The following WDPCP variants were observed in gnomAD, a reference collection of about 807,000 sequenced individuals.
WDPCP encodes the protein WD repeat-containing and planar cell polarity effector protein fritz homolog.
In WDPCP, 71 loss-of-function variants were observed where a neutral mutation model predicts 93.1. That is an observed-to-expected ratio of 0.76 (90% CI 0.63 to 0.93). The LOEUF is 0.93. WDPCP is among the 40% of genes least tolerant of loss of function. The pLI is 0.00. For synonymous variants in WDPCP, 315 were observed against 315.0 expected (o/e 1.00, Z 0.00); for missense variants, 844 against 887.4 (o/e 0.95, Z 0.62).
intron 10 of WDPCP, among the ~76,000 whole-genome samples, chr2:63,402,030 CA>C (rs1694188038): frequency 6.6e-6 from 1 of 151,980 alleles, no homozygotes; most frequent in African/African-American, 2.4e-5. Context: ...ATGTTTATTA[CA>C]CAACTATTTA....
intron 13 of WDPCP, among the ~76,000 whole-genome samples, chr2:63,266,678 C>T (rs1345615207): frequency 3.9e-5 from 6 of 152,014 alleles, no homozygotes; most frequent in East Asian, 1.9e-4. Context: ...CGGTGGCAGG[C>T]GCCTGTAATC....
At chr2:63,528,508 T>C (rs906143579) in intron 1 of WDPCP, among the ~76,000 whole-genome samples, 6 of 152,222 alleles carry the variant, frequency 3.9e-5, no homozygotes, top group African/African-American at 1.4e-4. Context: ...ATCAGGTTTG[T>C]CAAAGATCAG....
chr2:63,637,378 C>T lies in WDPCP; in HGVS notation n.488+13281G>A, dbSNP rs1339985849. On this transcript the variant is annotated intron_variant and non_coding_transcript_variant, in intron 3 of 4. Transcript: ENST00000467687. ...CAAAAAAAAAGAAAAAACAAAAAAA[C>T]AAAAACAAAGAAACAAACAAAAAAA... 4.6e-5 allele frequency among the ~76,000 whole-genome samples: 3 copies of T among 65,686 alleles called. No individual in the cohort carries two copies. In the Admixed American group the frequency reaches 4.7e-4, roughly 10 times the overall value. The allele number at this position is 65,686 out of a possible 152,430, so 43.1% of individuals were successfully genotyped here.
chr2:63,606,033 G>T (rs772860556), intron 3 of WDPCP: 6 of 1,611,552 alleles, frequency 3.7e-6, no homozygotes, highest in Non-Finnish European at 4.2e-6. Context: ...ATCAAGGTAA[G>T]GTATTTTGGA....
upstream of WDPCP, chr2:63,588,951 C>A (rs1246191245): frequency 1.3e-6 from 2 of 1,582,984 alleles, no homozygotes; most frequent in Non-Finnish European, 1.7e-6. Context: ...GCTAACACCG[C>A]TCGCCCTCTC....
intron 2 of WDPCP, among the ~76,000 whole-genome samples, chr2:63,793,532 G>A (rs765870659): frequency 1.4e-4 from 21 of 152,180 alleles, no homozygotes; most frequent in Non-Finnish European, 2.5e-4. Context: ...GACTGCTTGA[G>A]CCTAGGAGTT....
At chr2:63,462,082 A>G (rs1699052947) in intron 6 of WDPCP, among the ~76,000 whole-genome samples, 1 of 152,240 alleles carries the variant, frequency 6.6e-6, no homozygotes, top group Non-Finnish European at 1.5e-5. Flanking sequence ...TCACAATAGC[A>G]AAGACTTGGA....
At chr2:63,273,543 A>C (rs1682824344) in intron 13 of WDPCP, among the ~76,000 whole-genome samples, 2 of 152,174 alleles carry the variant, frequency 1.3e-5, no homozygotes, top group Admixed American at 1.3e-4. Flanking sequence ...GCTTGAATGT[A>C]TTAAAAAGAC....
At chr2:63,352,742 C>T (rs1478516650) in intron 12 of WDPCP, among the ~76,000 whole-genome samples, 1 of 152,160 alleles carries the variant, frequency 6.6e-6, no homozygotes, top group Non-Finnish European at 1.5e-5. Flanking sequence ...GACACCTTCC[C>T]TGGCCTCCAT....
chr2:63,227,577 C>T (rs1678395766), intron 14 of WDPCP, among the ~76,000 whole-genome samples: 1 of 151,952 alleles, frequency 6.6e-6, no homozygotes, highest in Admixed American at 6.6e-5. Flanking sequence ...TGGCAGTGGA[C>T]TTAAAAAGCA....
chr2:63,709,254 G>A (rs560955798), intron 2 of WDPCP, among the ~76,000 whole-genome samples: 2 of 151,660 alleles, frequency 1.3e-5, no homozygotes, highest in South Asian at 4.2e-4. Flanking sequence ...GGTGGAGGTT[G>A]CAGTGAGCCA....
At chr2:63,809,438 A>C (rs886969637) in intron 2 of WDPCP, among the ~76,000 whole-genome samples, 2 of 152,254 alleles carry the variant, frequency 1.3e-5, no homozygotes, top group Admixed American at 1.3e-4. Context: ...AGAACGGGCC[A>C]TGATGACAAT....
intron 1 of WDPCP, among the ~76,000 whole-genome samples, chr2:63,548,637 T>C (rs1221760360): frequency 6.6e-6 from 1 of 152,094 alleles, no homozygotes; most frequent in East Asian, 1.9e-4. Context: ...GTTAAGGTAC[T>C]TTGATCATAA....
At chr2:63,705,742 G>A (rs1669140568) in intron 2 of WDPCP, among the ~76,000 whole-genome samples, 1 of 144,696 alleles carries the variant, frequency 6.9e-6, no homozygotes, top group Non-Finnish European at 1.6e-5. Context: ...TGGAATAAGT[G>A]TGATGTGATG....
At chr2:63,809,564 C>T (rs1670830222) in intron 2 of WDPCP, among the ~76,000 whole-genome samples, 2 of 152,206 alleles carry the variant, frequency 1.3e-5, no homozygotes, top group Non-Finnish European at 1.5e-5. Flanking sequence ...TTGTTCTGTA[C>T]CAAGAAAAAT....
At chr2:63,453,801 G>A (rs1485021508) in intron 6 of WDPCP, among the ~76,000 whole-genome samples, 2 of 151,846 alleles carry the variant, frequency 1.3e-5, no homozygotes, top group Non-Finnish European at 1.5e-5. Context: ...GTAGGGACAC[G>A]GATGAAGCAG....
intron 17 of WDPCP, among the ~76,000 whole-genome samples, chr2:63,140,086 ATG>A (rs1442673190): frequency 4.0e-5 from 6 of 151,690 alleles, no homozygotes; most frequent in Admixed American, 3.9e-4. Flanking sequence ...TCCCCACTTT[ATG>A]TTTTTGTTTG....
intron 3 of WDPCP, among the ~76,000 whole-genome samples, chr2:63,607,556 C>T (rs973279693): frequency 1.3e-5 from 2 of 149,990 alleles, no homozygotes; most frequent in African/African-American, 2.5e-5. Context: ...GAGGACTGGG[C>T]GCGGTGGCTC....
At chr2:63,565,230 G>T (rs1301787654) in intron 1 of WDPCP, among the ~76,000 whole-genome samples, 2 of 152,116 alleles carry the variant, frequency 1.3e-5, no homozygotes, top group African/African-American at 4.8e-5. Flanking sequence ...TTCAAAGCTT[G>T]CAGGATATTG....
Sources: allele counts gnomAD v4.1 joint callset (sites outside exome capture counted in the v4.1 genomes callset), GRCh38; gene constraint gnomAD v4.1.1; transcripts MANE v1.5; gene names NCBI Gene and HGNC (gene_info 2026-07-23, HGNC 2026-07-21).